Variants in SLIT1 observed in about 807,000 individuals in gnomAD.
The protein encoded by SLIT1 is slit homolog 1 protein.
In SLIT1, 66 loss-of-function variants were observed where a neutral mutation model predicts 186.1. The ratio of observed to expected loss-of-function variants is 0.35; its 90% confidence interval spans 0.29 to 0.44. SLIT1 has a LOEUF of 0.44. Ranked by LOEUF, SLIT1 falls within the 20% of genes least tolerant of loss-of-function variation. The pLI, the probability that SLIT1 is intolerant of heterozygous loss-of-function variation, is 1.00. For missense variants in SLIT1, 1,638 were observed against 2,037.4 expected (o/e 0.80, Z 3.77); for synonymous variants, 761 against 833.8 (o/e 0.91, Z 1.50).
chr10:97,131,127 C>T (rs1849650362), intron 4 of SLIT1, among the ~76,000 whole-genome samples: 1 of 152,154 alleles, frequency 6.6e-6, no homozygotes, highest in Admixed American at 6.5e-5. Context: ...AGTGTGATCC[C>T]GCCCTTCCCT....
chr10:97,036,300 A>G (rs1179853912), intron 22 of SLIT1, among the ~76,000 whole-genome samples: 6 of 152,164 alleles, frequency 3.9e-5, no homozygotes, highest in African/African-American at 1.2e-4. Flanking sequence ...AGCCCCCAAG[A>G]GGCAGTTTCA....
At chr10:97,141,715 C>CTGTAT (rs1418870948) in intron 4 of SLIT1, among the ~76,000 whole-genome samples, 1 of 110,294 alleles carries the variant, frequency 9.1e-6, no homozygotes, top group Non-Finnish European at 1.9e-5. Flanking sequence ...TTGTATTGTA[C>CTGTAT]TGTATTGTAT....
intron 31 of SLIT1, among the ~76,000 whole-genome samples, chr10:97,008,839 C>G (rs1426973605): frequency 1.3e-5 from 2 of 151,636 alleles, no homozygotes; most frequent in Non-Finnish European, 2.9e-5. Flanking sequence ...CCAGAACAGC[C>G]AAAACAATCT....
Position 97,014,102 on chromosome 10 carries a change from C to T in SLIT1, c.3026G>A (p.Cys1009Tyr). The T allele has an allele frequency of 6.2e-7, 1 of 1,614,098 alleles. No individual in the cohort carries two copies. The highest frequency in any genetic ancestry group is 8.5e-7 in the Non-Finnish European group (1 of 1,180,036). Residue 1009 changes from cysteine to tyrosine, a missense_variant, in exon 29 of 37, where the codon TGT (cysteine) becomes TAT (tyrosine). By Grantham distance (194) the Cys-to-Tyr change is radical. This residue lies in a region of SLIT1 where 1,245 missense variants were observed against 1,535.3 expected (regional missense o/e 0.81). Coordinates refer to ENST00000266058, the MANE Select transcript of SLIT1 (RefSeq NM_003061.3). ...CCCATTGGCACAGGCATGATCCACA[C>T]AGTCATCTGTGTTCACCCCACAGGT... ...GPTCGVNTDDCVDHACANGGV... is the reference protein window; with the variant it reads ...GPTCGVNTDDYVDHACANGGV...
chr10:97,041,897 C>T (rs1333542895), intron 20 of SLIT1, among the ~76,000 whole-genome samples: 5 of 152,090 alleles, frequency 3.3e-5, no homozygotes, highest in African/African-American at 1.2e-4. Context: ...AATAATGTTT[C>T]CAAAGGATAG....
At chr10:97,084,334 C>A (rs1196934810) in intron 4 of SLIT1, among the ~76,000 whole-genome samples, 1 of 152,176 alleles carries the variant, frequency 6.6e-6, no homozygotes, top group Non-Finnish European at 1.5e-5. Flanking sequence ...TCTCTCCATC[C>A]CTAGACCAGG....
intron 14 of SLIT1, 130 bp from the exon 15 acceptor site, chr10:97,048,126 T>C: frequency 9.1e-6 from 9 of 986,264 alleles, no homozygotes. Context: ...GCCCAGTCCC[T>C]GTGTGCAGAA....
rs192528058 is a variant in SLIT1, at chr10:97,052,564, A to G, written c.1302-3446T>C. 2.1e-3 allele frequency among the ~76,000 whole-genome samples: 326 copies of G among 152,358 alleles called. 2 individuals are homozygous for G. The highest frequency in any genetic ancestry group is 7.7e-3 in the African/African-American group (320 of 41,582). ...AATCGTAGTGATAGTTGAATTCTGG[A>G]AATTTACTAAAAATCACTGAATTGT... On this transcript the variant is annotated intron_variant, in intron 13 of 36. Coordinates refer to ENST00000266058, the MANE Select transcript of SLIT1 (RefSeq NM_003061.3).
chr10:97,107,653 C>T (rs912170547), intron 4 of SLIT1, among the ~76,000 whole-genome samples: 8 of 152,348 alleles, frequency 5.3e-5, no homozygotes, highest in Admixed American at 5.2e-4. Context: ...AATGCACAAG[C>T]AGCTTCCCCA....
At chr10:97,066,869 A>T (rs1848951830) in intron 4 of SLIT1, among the ~76,000 whole-genome samples, 1 of 152,142 alleles carries the variant, frequency 6.6e-6, no homozygotes, top group Non-Finnish European at 1.5e-5. Context: ...GCAGGGCGCA[A>T]AGGGGCATAC....
chr10:97,009,054 AT>A (rs1564652515), intron 31 of SLIT1, among the ~76,000 whole-genome samples: 1 of 151,750 alleles, frequency 6.6e-6, no homozygotes, highest in Non-Finnish European at 1.5e-5. Flanking sequence ...TAATTTTTGT[AT>A]TTTAATAGAG....
At chr10:97,165,255 A>G (rs1564692248) in intron 1 of SLIT1, among the ~76,000 whole-genome samples, 1 of 152,152 alleles carries the variant, frequency 6.6e-6, no homozygotes, top group African/African-American at 2.4e-5. Flanking sequence ...CTGAGCCTCA[A>G]TTTCCTTATC....
Position 97,021,491 on chromosome 10 carries a change from A to C in SLIT1, c.2583-78T>G. On this transcript the variant is annotated intron_variant, in intron 25 of 36. Coordinates refer to ENST00000266058, the MANE Select transcript of SLIT1 (RefSeq NM_003061.3). This position sits in a 1 kb window ranked among gnomAD's most constrained non-coding sequence, Gnocchi z 4.5. ...CCACTGGGAACCTAGAGTCCCAGGC[A>C]CTGCACCAGGGGCTGGCAAAAATCT... is the stretch of plus-strand genomic sequence containing the variant. The C allele has an allele frequency of 7.2e-7, 1 of 1,383,906 alleles. No individual in the cohort carries two copies. The highest frequency in any genetic ancestry group is 9.9e-7 in the Non-Finnish European group (1 of 1,010,646). 85.7% of individuals were successfully genotyped at this position (1,383,906 alleles called of 1,614,324 possible).
intron 1 of SLIT1, among the ~76,000 whole-genome samples, chr10:97,176,859 G>A (rs951603858): frequency 5.3e-5 from 8 of 152,078 alleles, no homozygotes; most frequent in Non-Finnish European, 1.0e-4. Context: ...AGTTCCTCCC[G>A]CCTCTCCACT....
At chr10:97,062,918 G>A (rs1042844386) in intron 8 of SLIT1, among the ~76,000 whole-genome samples, 1 of 152,230 alleles carries the variant, frequency 6.6e-6, no homozygotes, top group East Asian at 1.9e-4. Context: ...CAGAACCCCA[G>A]GGGGAAGGTG....
At chr10:97,125,455 G>A (rs1849595272) in intron 4 of SLIT1, among the ~76,000 whole-genome samples, 2 of 150,708 alleles carry the variant, frequency 1.3e-5, no homozygotes, top group Admixed American at 6.7e-5. Context: ...AATCGCTTGA[G>A]CTCAGGAGGA....
chr10:97,039,048 C>G (rs969283162), intron 21 of SLIT1, among the ~76,000 whole-genome samples: 9 of 152,118 alleles, frequency 5.9e-5, no homozygotes, highest in Non-Finnish European at 1.3e-4. Flanking sequence ...AGGGTGAAGA[C>G]GGGGCAGGCC....
intron 7 of SLIT1, among the ~76,000 whole-genome samples, 168 bp from the exon 8 acceptor site, chr10:97,063,786 GC>G (rs1848917154): frequency 6.6e-6 from 1 of 152,016 alleles, no homozygotes; most frequent in Non-Finnish European, 1.5e-5. Context: ...ATTATCCACA[GC>G]CCCGTGAAGA....
intron 3 of SLIT1, among the ~76,000 whole-genome samples, chr10:97,160,252 G>A (rs1400414629): frequency 6.6e-6 from 1 of 152,174 alleles, no homozygotes; most frequent in Admixed American, 6.5e-5. Flanking sequence ...TCCCAAACCT[G>A]TTTATGCCAG....
Sources: allele counts gnomAD v4.1 joint callset (sites outside exome capture counted in the v4.1 genomes callset), GRCh38; gene constraint gnomAD v4.1.1; regional missense constraint gnomAD v4.1.1; non-coding constraint Gnocchi (gnomAD v3.1); transcripts MANE v1.5; gene names NCBI Gene and HGNC (gene_info 2026-07-23, HGNC 2026-07-21).